Variants in SNTG1 observed in about 807,000 individuals in gnomAD.
The protein encoded by SNTG1 is syntrophin gamma 1, also known as gamma-1-syntrophin.
SNTG1 carries 39 observed loss-of-function variants against 74.7 expected under a neutral mutation model. The observed-to-expected ratio is 0.52, with a 90% CI of 0.40 to 0.68. SNTG1 has a LOEUF of 0.68. SNTG1 is among the 30% of genes least tolerant of loss of function. The pLI is 0.00. For missense variants in SNTG1, 685 were observed against 609.5 expected, an observed-to-expected ratio of 1.12 and a Z score of -1.30; for synonymous variants, 254 against 217.1, an observed-to-expected ratio of 1.17 and a Z score of -1.49.
intron 1 of SNTG1, among the ~76,000 whole-genome samples, chr8:49,965,380 C>T (rs1811049510): frequency 6.6e-6 from 1 of 152,070 alleles, no homozygotes; most frequent in South Asian, 2.1e-4. Context: ...GTGACTGAGG[C>T]CTGGATATAT....
chr8:50,600,359 A>C (rs1323410355), intron 13 of SNTG1, among the ~76,000 whole-genome samples: 1 of 151,988 alleles, frequency 6.6e-6, no homozygotes, highest in East Asian at 1.9e-4. Context: ...GGAAGAGTTT[A>C]AGTAGGATTG....
rs185839628 is a variant in SNTG1, at chr8:50,779,020, C to T, written c.1396-13651C>T. ...CAAAGATCAGATAGTTGTAGATATG[C>T]GGCGTTATTTCTGAGGGCTCTGTTG... is the stretch of plus-strand genomic sequence containing the variant. On this transcript the variant is annotated intron_variant, in intron 18 of 18. Coordinates refer to ENST00000642720, the MANE Select transcript of SNTG1 (RefSeq NM_018967.5). Among the ~76,000 whole-genome samples, 135 of 152,044 alleles carry T rather than the reference C, an allele frequency of 8.9e-4. No individual in the cohort carries two copies. In the East Asian group the frequency reaches 0.019, roughly 22 times the overall value.
intron 18 of SNTG1, among the ~76,000 whole-genome samples, chr8:50,757,649 G>A (rs991483450): frequency 6.6e-6 from 1 of 151,748 alleles, no homozygotes; most frequent in Admixed American, 6.6e-5. Context: ...TTTTTAATAA[G>A]CACATTTAAG....
At chr8:50,110,618 G>T (rs555941022) in intron 1 of SNTG1, among the ~76,000 whole-genome samples, 2 of 152,144 alleles carry the variant, frequency 1.3e-5, no homozygotes, top group Non-Finnish European at 2.9e-5. Flanking sequence ...AACACCAACT[G>T]CTCGAGATGA....
At chr8:50,137,188 G>A (rs2081502061) in intron 1 of SNTG1, among the ~76,000 whole-genome samples, 1 of 152,214 alleles carries the variant, frequency 6.6e-6, no homozygotes, top group Non-Finnish European at 1.5e-5. Context: ...GAAAGATGGA[G>A]TGTATTTGGT....
chr8:50,746,470 A>G (rs1412865041), intron 17 of SNTG1, among the ~76,000 whole-genome samples: 1 of 151,970 alleles, frequency 6.6e-6, no homozygotes, highest in African/African-American at 2.4e-5. Context: ...AAACATTACA[A>G]TAGGTGCTAG....
Position 50,369,399 on chromosome 8 carries a change from C to T in SNTG1, c.-27-24813C>T, listed in dbSNP as rs115102998. Among the ~76,000 whole-genome samples the T allele has an allele frequency of 7.6e-3, 1,150 of 152,166 alleles. 16 individuals carry two copies. The highest frequency in any genetic ancestry group is 0.027 in the African/African-American group (1,108 of 41,512). ...ATCACATGAGGTTGAGAGTTCGAGACGAGCCTGACCAACATGGGGAAACCC... is the reference window on the plus strand; with the variant it reads ...ATCACATGAGGTTGAGAGTTCGAGATGAGCCTGACCAACATGGGGAAACCC... On this transcript the variant is annotated intron_variant, in intron 2 of 18. Transcript: ENST00000642720.
intron 1 of SNTG1, among the ~76,000 whole-genome samples, chr8:50,030,802 A>T (rs1817680934): frequency 6.6e-6 from 1 of 151,930 alleles, no homozygotes; most frequent in Non-Finnish European, 1.5e-5. Context: ...TTCTTTTCAA[A>T]ATTGCTTTAG....
At chr8:49,910,372 T>A (rs1023457854), upstream of SNTG1, among the ~76,000 whole-genome samples, 3 of 147,320 alleles carry the variant, frequency 2.0e-5, no homozygotes, top group African/African-American at 7.5e-5. Flanking sequence ...AATAACCTCC[T>A]TGTGCAGAAA....
chr8:50,765,154 G>A (rs112691001), intron 18 of SNTG1, among the ~76,000 whole-genome samples: 122 of 152,138 alleles, frequency 8.0e-4, no homozygotes, highest in African/African-American at 2.6e-3. Flanking sequence ...TGTTAGACTA[G>A]AGTAAGAGAT....
chr8:50,695,163 T>C (rs1029018902), intron 15 of SNTG1, among the ~76,000 whole-genome samples: 1 of 151,514 alleles, frequency 6.6e-6, no homozygotes, highest in Non-Finnish European at 1.5e-5. Context: ...TTGCAGGTGA[T>C]ATGATCTTAT....
chr8:50,289,844 G>T (rs1363331323), intron 2 of SNTG1, among the ~76,000 whole-genome samples: 1 of 152,106 alleles, frequency 6.6e-6, no homozygotes, highest in Non-Finnish European at 1.5e-5. Flanking sequence ...GTTGCTTAAG[G>T]TCCTCCACCT....
chr8:49,924,724 G>A (rs1241338700), intron 1 of SNTG1, among the ~76,000 whole-genome samples: 2 of 151,250 alleles, frequency 1.3e-5, no homozygotes, highest in African/African-American at 4.9e-5. Flanking sequence ...ATGTTTAATG[G>A]GTACCTCTGT....
At chr8:50,099,396 A>T (rs2131217716) in intron 1 of SNTG1, among the ~76,000 whole-genome samples, 1 of 152,256 alleles carries the variant, frequency 6.6e-6, no homozygotes, top group Middle Eastern at 3.4e-3. Flanking sequence ...AGAAAGGAGG[A>T]TCTTCAAAAT....
intron 2 of SNTG1, among the ~76,000 whole-genome samples, chr8:50,174,865 C>CT (rs1340451286): frequency 7.9e-6 from 1 of 127,260 alleles, no homozygotes; most frequent in Non-Finnish European, 1.6e-5. Flanking sequence ...TCCCCCCTCC[C>CT]CCCACCCCAC....
chr8:50,249,345 G>A (rs1289448030), intron 2 of SNTG1, among the ~76,000 whole-genome samples: 1 of 152,220 alleles, frequency 6.6e-6, no homozygotes, highest in South Asian at 2.1e-4. Context: ...CAGCAAAACT[G>A]CATGCACCTG....
At chr8:50,696,593 C>T (rs1251586671) in intron 15 of SNTG1, among the ~76,000 whole-genome samples, 1 of 151,948 alleles carries the variant, frequency 6.6e-6, no homozygotes, top group African/African-American at 2.4e-5. Flanking sequence ...GTCTTTAATT[C>T]ATCTTGAGTT....
intron 8 of SNTG1, among the ~76,000 whole-genome samples, chr8:50,487,092 C>T (rs998350820): frequency 6.6e-6 from 1 of 152,146 alleles, no homozygotes; most frequent in Non-Finnish European, 1.5e-5. Context: ...AAAAAATGCT[C>T]ATCATCACTG....
In SNTG1 at chr8:50,047,334, CA is replaced by C. The variant is rs555972857; in HGVS notation, c.-102-125216del. 1.1e-3 allele frequency among the ~76,000 whole-genome samples: 158 copies of C among 143,230 alleles called. 2 individuals are homozygous for C. Among genetic ancestry groups the C allele is most frequent in the African/African-American group, 3.3e-3 (129 of 39,118 alleles). The allele number at this position is 143,230 out of a possible 152,430, so 94.0% of individuals were successfully genotyped here. Reference sequence around the variant, plus strand: ...AGCCTTGGTGACACAGAGATGCTGCCAAAAAAAAAAATTTTTAGTTCAACAT... The same window carrying C: ...AGCCTTGGTGACACAGAGATGCTGCCAAAAAAAAAATTTTTAGTTCAACAT... On this transcript the variant is annotated intron_variant, in intron 1 of 18. Transcript: ENST00000642720.
Sources: gnomAD v4.1 joint callset for allele counts (sites outside exome capture counted in the v4.1 genomes callset) on GRCh38, gnomAD v4.1.1 for gene constraint, MANE v1.5 for transcripts, NCBI Gene and HGNC (gene_info 2026-07-23, HGNC 2026-07-21) for gene names.